UBE3C: variants seen among roughly 807,000 people sequenced by gnomAD.
UBE3C encodes the protein ubiquitin protein ligase E3C.
Under a neutral mutation model 129.4 loss-of-function variants are expected in UBE3C, and 42 were observed. The ratio of observed to expected loss-of-function variants is 0.32; its 90% confidence interval spans 0.25 to 0.42. The LOEUF is 0.42. UBE3C is among the 10% of genes least tolerant of loss of function. The pLI, the probability that UBE3C is intolerant of heterozygous loss-of-function variation, is 1.00. For synonymous variants in UBE3C, 510 were observed against 492.4 expected (o/e 1.04, Z -0.47); for missense variants, 1,049 against 1,319.1 (o/e 0.80, Z 3.17).
chr7:157,243,337 T>A (rs1390974872), intron 18 of UBE3C, among the ~76,000 whole-genome samples: 1 of 152,162 alleles, frequency 6.6e-6, no homozygotes, highest in African/African-American at 2.4e-5. Flanking sequence ...ATGCTGGGGA[T>A]TTGGGCAGCC....
intron 10 of UBE3C, chr7:157,197,663 A>G: frequency 6.2e-7 from 1 of 1,609,938 alleles, no homozygotes; most frequent in Admixed American, 1.7e-5. Flanking sequence ...TCAGGCTTTC[A>G]TCTGTTAGCT....
At chr7:157,189,564 G>C (rs1314829264) in intron 10 of UBE3C, among the ~76,000 whole-genome samples, 1 of 152,204 alleles carries the variant, frequency 6.6e-6, no homozygotes, top group African/African-American at 2.4e-5. Context: ...GACTGCATTT[G>C]TGACCCTACT....
Position 157,231,330 on chromosome 7 carries a change from A to G in UBE3C, c.2481+3A>G, listed in dbSNP as rs777674720. On this transcript the variant is annotated splice_donor_region_variant and intron_variant, in intron 18 of 22. Transcript: ENST00000348165. ...TCCTAGGCAGAATGCTTGGAAAGGT[A>G]AAGTAACCTTCATATAAAAATAGAC... 6.2e-7 allele frequency: 1 copy of G among 1,612,932 alleles called. No homozygotes were observed. Among genetic ancestry groups the G allele is most frequent in the Non-Finnish European group, 8.5e-7 (1 of 1,179,606 alleles).
At chr7:157,190,632 T>C (rs1808933469) in intron 10 of UBE3C, among the ~76,000 whole-genome samples, 2 of 152,182 alleles carry the variant, frequency 1.3e-5, no homozygotes, top group African/African-American at 4.8e-5. Context: ...AGAGCTGTAT[T>C]CTCTATGTCA....
chr7:157,204,398 CAAAAAAAAAAA>C (rs35298527), intron 11 of UBE3C, among the ~76,000 whole-genome samples: 1 of 86,362 alleles, frequency 1.2e-5, no homozygotes, highest in African/African-American at 4.2e-5. Flanking sequence ...AACTTTGTTT[CAAAAAAAAAAA>C]AAAAAAAAAT....
rs1434294570 is a variant in UBE3C at position 157,264,173 on chromosome 7, T to TCGG, written c.3082-3410_3082-3408dup. 2.7e-5 allele frequency among the ~76,000 whole-genome samples: 4 copies of TCGG among 149,792 alleles called. No homozygotes were observed. The East Asian group carries it at 7.9e-4, about 30-fold the overall frequency. ...GTATTACAGGTGTGAGCCAACATGTTCGGCCTGTTAAGCACAGAGACACAC... is the reference window on the plus strand; with the variant it reads ...GTATTACAGGTGTGAGCCAACATGTTCGGCGGCCTGTTAAGCACAGAGACACAC... On this transcript the variant is annotated intron_variant, in intron 22 of 22. Transcript: ENST00000348165.
intron 10 of UBE3C, chr7:157,198,552 C>T (rs185545296): frequency 1.0e-4 from 32 of 311,398 alleles, no homozygotes; most frequent in Middle Eastern, 2.3e-3. Flanking sequence ...TTATTTTTTT[C>T]GACAGGGAGT....
rs1015558995 is a variant in UBE3C at position 157,163,188 on chromosome 7, A to G, written c.67-622A>G. 9.2e-5 allele frequency among the ~76,000 whole-genome samples: 14 copies of G among 152,106 alleles called. No homozygotes were observed. In the East Asian group the frequency reaches 2.7e-3, roughly 29 times the overall value. On this transcript the variant is annotated intron_variant, in intron 1 of 22. Transcript: ENST00000348165. ...ATCAGGAGGTCAGGAGATCGAGACC[A>G]TCCTGGCTAACACAGTGAAACCCCG...
intron 1 of UBE3C, among the ~76,000 whole-genome samples, chr7:157,154,569 G>A (rs1807851253): frequency 6.6e-6 from 1 of 152,092 alleles, no homozygotes; most frequent in Non-Finnish European, 1.5e-5. Flanking sequence ...ATACTCCATA[G>A]CATAGTTTGA....
chr7:157,182,313 G>A lies in UBE3C; in HGVS notation c.976G>A (p.Gly326Ser). 6.2e-7 allele frequency: 1 copy of A among 1,612,978 alleles called. No individual in the cohort carries two copies. The highest frequency in any genetic ancestry group is 8.5e-7 in the Non-Finnish European group (1 of 1,179,746). Residue 326 changes from glycine to serine, a missense_variant, in exon 8 of 23, where the codon GGC becomes AGC. Coordinates refer to ENST00000348165, the MANE Select transcript of UBE3C (RefSeq NM_014671.3). ...PWLFYFVLTV[G>S]ENYLGALSEE... Reference sequence around the variant, plus strand: ...GCTTTTCTATTTCGTTTTAACTGTTGGCGAAAATTATTTGGGTATGAAATA... The same window carrying A: ...GCTTTTCTATTTCGTTTTAACTGTTAGCGAAAATTATTTGGGTATGAAATA...
intron 13 of UBE3C, 94 bp downstream of exon 13, chr7:157,208,029 T>C (rs1809483157): frequency 2.8e-6 from 2 of 709,126 alleles, no homozygotes; most frequent in East Asian, 6.8e-5. Flanking sequence ...TGCAGGTTTG[T>C]TTCAGACATG....
chr7:157,149,360 A>G (rs1209824806), intron 1 of UBE3C, among the ~76,000 whole-genome samples: 2 of 152,034 alleles, frequency 1.3e-5, no homozygotes, highest in Non-Finnish European at 2.9e-5. Flanking sequence ...CTGGCCAGGA[A>G]TTCAACCGAT....
intron 4 of UBE3C, among the ~76,000 whole-genome samples, chr7:157,172,199 A>C (rs1325451354): frequency 1.3e-5 from 2 of 150,042 alleles, no homozygotes; most frequent in Non-Finnish European, 1.5e-5. Flanking sequence ...CCCTAGCTTA[A>C]ATTTTTTTGT....
chr7:157,201,337 A>T (rs1373835030), intron 10 of UBE3C, among the ~76,000 whole-genome samples: 1 of 152,140 alleles, frequency 6.6e-6, no homozygotes, highest in Non-Finnish European at 1.5e-5. Flanking sequence ...AAAAATAAAA[A>T]GAAAAGTATA....
chr7:157,231,371 G>A, intron 18 of UBE3C, 44 bp downstream of exon 18: 1 of 1,599,084 alleles, frequency 6.3e-7, no homozygotes, highest in Middle Eastern at 1.7e-4. Context: ...ACCAAAAGAT[G>A]TTGACATTTT....
chr7:157,181,925 T>C (rs1586668893), intron 7 of UBE3C, among the ~76,000 whole-genome samples, 183 bp from the exon 8 acceptor site: 3 of 152,344 alleles, frequency 2.0e-5, no homozygotes, highest in Admixed American at 2.0e-4. Context: ...ATGGTAGTTA[T>C]CTTAATAGAG....
intron 7 of UBE3C, 87 bp downstream of exon 7, chr7:157,181,758 T>C (rs1586668803): frequency 1.3e-6 from 2 of 1,503,122 alleles, no homozygotes; most frequent in Non-Finnish European, 1.8e-6. Flanking sequence ...ATTTTAAATA[T>C]AGACTTGAAA....
In UBE3C at chr7:157,267,985, C is replaced by G. The variant is rs990636973; in HGVS notation, c.*230C>G. ...TAACTTAAAATAACACGTTATGTGC[C>G]ATGTGGCTACTTTAGTAATATTGCC... On this transcript the variant is annotated 3_prime_UTR_variant, in exon 23 of 23. Coordinates refer to ENST00000348165, the MANE Select transcript of UBE3C (RefSeq NM_014671.3). The G allele has an allele frequency of 7.6e-6, 3 of 394,790 alleles. No individual in the cohort carries two copies. The highest frequency in any genetic ancestry group is 1.3e-5 in the Non-Finnish European group (3 of 223,858). 24.5% of individuals were successfully genotyped at this position (394,790 alleles called of 1,614,324 possible).
At chr7:157,264,257 A>C (rs1281672765) in intron 22 of UBE3C, among the ~76,000 whole-genome samples, 5 of 136,548 alleles carry the variant, frequency 3.7e-5, no homozygotes, top group Non-Finnish European at 7.8e-5. Context: ...ACACACACAC[A>C]CCTGGTACTA....
Sources: gnomAD v4.1 joint callset for allele counts (sites outside exome capture counted in the v4.1 genomes callset) on GRCh38, gnomAD v4.1.1 for gene constraint, MANE v1.5 for transcripts, NCBI Gene and HGNC (gene_info 2026-07-23, HGNC 2026-07-21) for gene names.